The following DVL3 variants were observed in gnomAD, a reference collection of about 807,000 sequenced individuals.
DVL3 encodes dishevelled segment polarity protein 3, also known as segment polarity protein dishevelled homolog DVL-3.
DVL3 carries 27 observed loss-of-function variants against 67.4 expected under a neutral mutation model. The observed-to-expected ratio is 0.40, with a 90% confidence interval of 0.30 to 0.55. DVL3 has a LOEUF of 0.55. Ranked by LOEUF, DVL3 falls within the 20% of genes least tolerant of loss-of-function variation. DVL3 has a pLI of 0.46. For synonymous variants in DVL3, 369 were observed against 396.8 expected, an observed-to-expected ratio of 0.93 and a Z score of 0.83; for missense variants, 819 against 1,021.5, an observed-to-expected ratio of 0.80 and a Z score of 2.70.
chr3:184,170,530 C>T lies in DVL3; in HGVS notation c.1926C>T (p.Ser642=). ...ACCGCAGCCACCATTCCCTGGCCAGCAGCCTTCGCAGCCACCACACACACC... is the reference window on the plus strand; with the variant it reads ...ACCGCAGCCACCATTCCCTGGCCAGTAGCCTTCGCAGCCACCACACACACC... ...HSHRSHHSLA[S]SLRSHHTHPS... Residue 642 remains serine (S), a synonymous_variant, in exon 15 of 15, where the codon AGC becomes AGT. Coordinates refer to ENST00000313143, the MANE Select transcript of DVL3 (RefSeq NM_004423.4). The surrounding 1 kb of genome is among the most constrained non-coding windows in gnomAD (Gnocchi z 6.5). The T allele has an allele frequency of 6.2e-7, 1 of 1,610,558 alleles. No individual in the cohort carries two copies. The highest frequency in any genetic ancestry group is 8.5e-7 in the Non-Finnish European group (1 of 1,178,416).
Position 184,164,968 on chromosome 3 carries a change from G to A in DVL3, c.599+37G>A. 1 of 1,613,608 alleles carries A rather than the reference G, an allele frequency of 6.2e-7. No homozygotes were observed. Among genetic ancestry groups the A allele is most frequent in the Non-Finnish European group, 8.5e-7 (1 of 1,179,690 alleles). ...GTTTCATGGGTATTGTGGGGCAGGT[G>A]ACCCTGGAGGAGCCCTAAACCCTGA... is the stretch of plus-strand genomic sequence containing the variant. On this transcript the variant is annotated intron_variant, in intron 5 of 14. Transcript: ENST00000313143. The surrounding 1 kb of genome is among the most constrained non-coding windows in gnomAD (Gnocchi z 5.3).
rs375976533 is a variant in DVL3 at position 184,163,748 on chromosome 3, A to G, written c.231+22A>G. On this transcript the variant is annotated intron_variant, in intron 2 of 14. Transcript: ENST00000313143. The surrounding 1 kb of genome is among the most constrained non-coding windows in gnomAD (Gnocchi z 4.5). Reference sequence around the variant, plus strand: ...CTGGGTAAGGAGCCCTCAGCCTTCCATCCACCTGCATCCCTGTGCTGGGCT... The same window carrying G: ...CTGGGTAAGGAGCCCTCAGCCTTCCGTCCACCTGCATCCCTGTGCTGGGCT... 2.1e-5 allele frequency: 34 copies of G among 1,605,068 alleles called. No homozygotes were observed. Among genetic ancestry groups the G allele is most frequent in the Non-Finnish European group, 2.9e-5 (34 of 1,172,032 alleles).
chr3:184,170,122 C>T lies in DVL3; in HGVS notation c.1615C>T (p.Gln539Ter). The change falls in exon 14 of 15, where the codon CAG (glutamine) becomes TAG (stop). Residue 539 changes from glutamine (Q) to a stop codon, truncating the protein, a stop_gained. Coordinates refer to ENST00000313143, the MANE Select transcript of DVL3 (RefSeq NM_004423.4). LOFTEE classifies it high-confidence loss of function. The surrounding 1 kb of genome is among the most constrained non-coding windows in gnomAD (Gnocchi z 6.5). ...AAPWPMAFPY[Q>*]YPPPPHPYNP... ...CCCTTGGCCCATGGCTTTCCCGTACCAGTACCCGCCACCCCCGCACCCATA... is the reference window on the plus strand; with the variant it reads ...CCCTTGGCCCATGGCTTTCCCGTACTAGTACCCGCCACCCCCGCACCCATA... 1 of 1,613,864 alleles carries T rather than the reference C, an allele frequency of 6.2e-7. No individual in the cohort carries two copies. Among genetic ancestry groups the T allele is most frequent in the Non-Finnish European group, 8.5e-7 (1 of 1,179,984 alleles).
In DVL3 at chr3:184,167,089, C is replaced by G; in HGVS notation, c.1198+114C>G. The stretch of plus-strand genomic sequence containing the variant: ...ATCAGAGAGGGCTGGAGATGGGGCT[C>G]GGCTCATTCCAGCAACCCCACACTG... On this transcript the variant is annotated intron_variant, in intron 11 of 14. Transcript: ENST00000313143. The surrounding 1 kb of genome is among the most constrained non-coding windows in gnomAD (Gnocchi z 4.6). 2.2e-6 allele frequency: 3 copies of G among 1,340,562 alleles called. No homozygotes were observed. Among genetic ancestry groups the G allele is most frequent in the Non-Finnish European group, 3.1e-6 (3 of 974,370 alleles). 83.0% of individuals were successfully genotyped at this position (1,340,562 alleles called of 1,614,324 possible).
Position 184,155,504 on chromosome 3 carries a change from G to T in DVL3, c.-132G>T. On this transcript the variant is annotated 5_prime_UTR_variant, in exon 1 of 15. Transcript: ENST00000313143. This position sits in a 1 kb window ranked among gnomAD's most constrained non-coding sequence, Gnocchi z 5.4. ...ACCCGGTAGCGGCCGGAGAACAAGG[G>T]AGCTGGCGCCGCCAGCAGCCGCCGA... 1 of 420,518 alleles carries T rather than the reference G, an allele frequency of 2.4e-6. No individual in the cohort carries two copies. The highest frequency in any genetic ancestry group is 9.3e-5 in the South Asian group (1 of 10,782). The allele number at this position is 420,518 out of a possible 1,614,324, so 26.0% of individuals were successfully genotyped here. A position where few individuals can be genotyped will look rare whatever the true frequency, so the allele number is the denominator to read the frequency against.
intron 13 of DVL3, among the ~76,000 whole-genome samples, chr3:184,169,433 G>C (rs1168873059): frequency 6.6e-6 from 1 of 152,152 alleles, no homozygotes; most frequent in East Asian, 1.9e-4. Context: ...AGTGGCTCGC[G>C]CCTGTAATCC....
At chr3:184,159,978 C>T (rs933752466) in intron 1 of DVL3, among the ~76,000 whole-genome samples, 1 of 151,458 alleles carries the variant, frequency 6.6e-6, no homozygotes, top group African/African-American at 2.4e-5. Flanking sequence ...CTCGCTGTGT[C>T]GCCCAGGCTG....
Position 184,165,450 on chromosome 3 carries a change from C to T in DVL3, c.722C>T (p.Ser241Phe). ...TCGTCCTTCAGCAGCATCACGGACTCCACCATGTCACTCAACATCATCACG... is the reference window on the plus strand; with the variant it reads ...TCGTCCTTCAGCAGCATCACGGACTTCACCATGTCACTCAACATCATCACG... ...RSSSFSSITD[S>F]TMSLNIITVT... Residue 241 changes from serine to phenylalanine, a missense_variant, in exon 7 of 15, where the codon TCC becomes TTC. Physicochemically the swap from Ser to Phe is radical, Grantham distance 155 (BLOSUM62 -2). Coordinates refer to ENST00000313143, the MANE Select transcript of DVL3 (RefSeq NM_004423.4). This position sits in a 1 kb window ranked among gnomAD's most constrained non-coding sequence, Gnocchi z 4.1. 1.2e-6 allele frequency: 2 copies of T among 1,614,072 alleles called. No individual in the cohort carries two copies. The highest frequency in any genetic ancestry group is 1.3e-5 in the African/African-American group (1 of 75,004).
rs935837962 is a variant in DVL3, at chr3:184,172,974, G to C, written c.*2219G>C. Reference sequence around the variant, plus strand: ...GCCTGTCAGTATCAGTGCTTCCATCGTTCCATCTTTGATTCACTTCTCTTT... The same window carrying C: ...GCCTGTCAGTATCAGTGCTTCCATCCTTCCATCTTTGATTCACTTCTCTTT... On this transcript the variant is annotated 3_prime_UTR_variant, in exon 15 of 15. Coordinates refer to ENST00000313143, the MANE Select transcript of DVL3 (RefSeq NM_004423.4). 6.6e-6 allele frequency: 1 copy of C among 152,214 alleles called. No individual in the cohort carries two copies. Among genetic ancestry groups the C allele is most frequent in the African/African-American group, 2.4e-5 (1 of 41,428 alleles). The allele number at this position is 152,214 out of a possible 1,614,324, so 9.4% of individuals were successfully genotyped here. A position where few individuals can be genotyped will look rare whatever the true frequency, so the allele number is the denominator to read the frequency against.
At position 184,170,499 on chromosome 3, in the gene DVL3, ACAGCCACCG is replaced by A. The variant is rs746156518; in HGVS notation, c.1904_1912del (p.Arg635_His637del). ...CGCTCAGGGCCGGCGGCCAGCGAGC[ACAGCCACCG>A]CAGCCACCATTCCCTGGCCAGCAGC... On this transcript the variant is annotated inframe_deletion, in exon 15 of 15. Transcript: ENST00000313143. This position sits in a 1 kb window ranked among gnomAD's most constrained non-coding sequence, Gnocchi z 6.5. 1.6e-5 allele frequency: 26 copies of A among 1,601,568 alleles called. No individual in the cohort carries two copies. The African/African-American group carries it at 2.9e-4, about 18-fold the overall frequency.
In DVL3 at chr3:184,172,766, G is replaced by C. The variant is rs751128953; in HGVS notation, c.*2011G>C. 1 of 152,176 alleles carries C rather than the reference G, an allele frequency of 6.6e-6. No homozygotes were observed. The highest frequency in any genetic ancestry group is 1.5e-5 in the Non-Finnish European group (1 of 68,054). 9.4% of individuals were successfully genotyped at this position (152,176 alleles called of 1,614,324 possible). On this transcript the variant is annotated 3_prime_UTR_variant, in exon 15 of 15. Transcript: ENST00000313143. The stretch of plus-strand genomic sequence containing the variant: ...AACAAAGAAAAACAATACTTCCTGG[G>C]GTTTTGGTGTGCAGAGGGCTTTGTT...
rs901333866 is a variant in DVL3, at chr3:184,163,515, C to T, written c.162-142C>T. On this transcript the variant is annotated intron_variant, in intron 1 of 14. Transcript: ENST00000313143. This position sits in a 1 kb window ranked among gnomAD's most constrained non-coding sequence, Gnocchi z 4.5. Reference sequence around the variant, plus strand: ...GCCAAAGAGCTGTCTCTGGGTCTCCCCAACCTCTGCTTTCATTTGAACAGT... The same window carrying T: ...GCCAAAGAGCTGTCTCTGGGTCTCCTCAACCTCTGCTTTCATTTGAACAGT... The T allele has an allele frequency of 3.3e-5, 27 of 830,476 alleles. No homozygotes were observed. The highest frequency in any genetic ancestry group is 5.4e-5 in the Non-Finnish European group (26 of 477,994). The allele number at this position is 830,476 out of a possible 1,614,324, so 51.4% of individuals were successfully genotyped here.
Position 184,171,614 on chromosome 3 carries a change from AGGCCCAGCCT to A in DVL3, c.*860_*869del. The A allele has an allele frequency of 1.0e-6, 1 of 985,752 alleles. No homozygotes were observed. Among genetic ancestry groups the A allele is most frequent in the Non-Finnish European group, 1.2e-6 (1 of 829,866 alleles). The allele number at this position is 985,752 out of a possible 1,614,324, so 61.1% of individuals were successfully genotyped here. ...CTTTCTGTGAGCCCCCAGCGAGGGGAGGCCCAGCCTCCGAGGAGACCAGGAACCCTGCTTC... is the reference window on the plus strand; with the variant it reads ...CTTTCTGTGAGCCCCCAGCGAGGGGACCGAGGAGACCAGGAACCCTGCTTC... On this transcript the variant is annotated 3_prime_UTR_variant, in exon 15 of 15. Coordinates refer to ENST00000313143, the MANE Select transcript of DVL3 (RefSeq NM_004423.4).
rs1714659223 is a variant in DVL3, at chr3:184,167,980, G to C, written c.1413G>C (p.Leu471=). Residue 471 remains leucine, a synonymous_variant, in exon 13 of 15, where the codon CTG becomes CTC. Transcript: ENST00000313143. This position sits in a 1 kb window ranked among gnomAD's most constrained non-coding sequence, Gnocchi z 4.6. ...RREARKYASN[L]LKAGFIRHTV... ...AGGCCCGCAAGTATGCCAGCAACCT[G>C]CTGAAAGCTGGCTTCATCCGCCATA... The C allele has an allele frequency of 6.2e-7, 1 of 1,614,266 alleles. No individual in the cohort carries two copies. Among genetic ancestry groups the C allele is most frequent in the Middle Eastern group, 1.6e-4 (1 of 6,062 alleles).
chr3:184,170,643 G>A lies in DVL3; in HGVS notation c.2039G>A (p.Gly680Glu). ...PPPPAAMGPP[G>E]APPGRDLASV... Reference sequence around the variant, plus strand: ...CCGCCCGCGGCCATGGGGCCCCCAGGAGCCCCTCCGGGCCGCGACCTGGCC... The same window carrying A: ...CCGCCCGCGGCCATGGGGCCCCCAGAAGCCCCTCCGGGCCGCGACCTGGCC... The change falls in exon 15 of 15, where the codon GGA becomes GAA. Residue 680 changes from glycine (G) to glutamate (E), a missense_variant. Physicochemically the swap from Gly to Glu is moderately conservative, Grantham distance 98. Transcript: ENST00000313143. The surrounding 1 kb of genome is among the most constrained non-coding windows in gnomAD (Gnocchi z 6.5). The A allele has an allele frequency of 6.2e-7, 1 of 1,610,134 alleles. No homozygotes were observed. The highest frequency in any genetic ancestry group is 1.3e-5 in the African/African-American group (1 of 74,116).
rs1439082953 is a variant in DVL3 at position 184,170,910 on chromosome 3, T to A, written c.*155T>A. 1 of 1,544,064 alleles carries A rather than the reference T, an allele frequency of 6.5e-7. No individual in the cohort carries two copies. Among genetic ancestry groups the A allele is most frequent in the African/African-American group, 1.4e-5 (1 of 72,914 alleles). On this transcript the variant is annotated 3_prime_UTR_variant, in exon 15 of 15. Transcript: ENST00000313143. This position sits in a 1 kb window ranked among gnomAD's most constrained non-coding sequence, Gnocchi z 6.5. ...AACTGCTCGCAGGGTGCTGCGAGGG[T>A]GGGGTGCACCTACCGATTGGCTCTG...
rs2109025729 is a variant in DVL3, at chr3:184,173,603, T to C, written c.*2848T>C. On this transcript the variant is annotated 3_prime_UTR_variant, in exon 15 of 15. Transcript: ENST00000313143. ...GTAGGTGCTCAATAAATGGTAGCTA[T>C]TATTATTATTATTTTATCATTATTA... 6.6e-6 allele frequency: 1 copy of C among 152,026 alleles called. No individual in the cohort carries two copies. The highest frequency in any genetic ancestry group is 2.1e-4 in the South Asian group (1 of 4,812). The allele number at this position is 152,026 out of a possible 1,614,324, so 9.4% of individuals were successfully genotyped here. A position where few individuals can be genotyped will look rare whatever the true frequency, so the allele number is the denominator to read the frequency against.
intron 13 of DVL3, among the ~76,000 whole-genome samples, chr3:184,168,501 C>G (rs570948385): frequency 6.6e-6 from 1 of 152,332 alleles, no homozygotes; most frequent in Non-Finnish European, 1.5e-5. Flanking sequence ...AGCCTGGAGG[C>G]TCACGTCATC....
Position 184,170,006 on chromosome 3 carries a change from A to C in DVL3, c.1499A>C (p.Asn500Thr), listed in dbSNP as rs747586168. The C allele has an allele frequency of 6.2e-6, 10 of 1,601,302 alleles. No individual in the cohort carries two copies. The highest frequency in any genetic ancestry group is 2.7e-5 in the African/African-American group (2 of 74,724). The change falls in exon 14 of 15, where the codon AAC becomes ACC. Residue 500 changes from asparagine (N) to threonine (T), a missense_variant and splice_region_variant. Physicochemically the swap from Asn to Thr is moderately conservative, Grantham distance 65. Coordinates refer to ENST00000313143, the MANE Select transcript of DVL3 (RefSeq NM_004423.4). This position sits in a 1 kb window ranked among gnomAD's most constrained non-coding sequence, Gnocchi z 6.5. Reference protein sequence around the residue: ...CYYIFGDLCGNMANLSLHDHD... With the variant: ...CYYIFGDLCGTMANLSLHDHD... The stretch of plus-strand genomic sequence containing the variant: ...CTCCATCCGGCCCTCCCCTTCACAG[A>C]CATGGCCAACCTGTCTCTCCACGAT...
Sources: allele counts gnomAD v4.1 joint callset (sites outside exome capture counted in the v4.1 genomes callset), GRCh38; gene constraint gnomAD v4.1.1; non-coding constraint Gnocchi (gnomAD v3.1); transcripts MANE v1.5; gene names NCBI Gene and HGNC (gene_info 2026-07-23, HGNC 2026-07-21).